KDM4B: variants seen among roughly 807,000 people sequenced by gnomAD.
KDM4B encodes the protein lysine demethylase 4B.
A neutral mutation model predicts 125.2 loss-of-function variants in KDM4B; 32 were observed. The observed-to-expected ratio is 0.26, with a 90% CI of 0.19 to 0.34. KDM4B has a LOEUF of 0.34. Among genes scored for constraint, KDM4B ranks in the 10% least tolerant of loss-of-function variants. The probability of loss-of-function intolerance (pLI) is 1.00; values close to 1 mark genes in which losing one functional copy is unlikely to be tolerated. For missense variants in KDM4B, 1,190 were observed against 1,577.7 expected (o/e 0.75, Z 4.16); for synonymous variants, 721 against 677.9 (o/e 1.06, Z -0.99).
chr19:5,015,752 C>T (rs1359749606), intron 1 of KDM4B, among the ~76,000 whole-genome samples: 1 of 152,234 alleles, frequency 6.6e-6, no homozygotes, highest in Non-Finnish European at 1.5e-5. Flanking sequence ...CCGCATCCAT[C>T]CTACAAGTAT....
intron 6 of KDM4B, among the ~76,000 whole-genome samples, chr19:5,066,629 C>T (rs1056641486): frequency 1.3e-5 from 2 of 152,190 alleles, no homozygotes; most frequent in Non-Finnish European, 2.9e-5. Context: ...AAAGGGTGTC[C>T]GATGCCTGGG....
At chr19:5,083,210 G>C (rs558288654) in intron 9 of KDM4B, among the ~76,000 whole-genome samples, 3 of 152,180 alleles carry the variant, frequency 2.0e-5, no homozygotes, top group Non-Finnish European at 1.5e-5. Flanking sequence ...CTAACGCCAC[G>C]TACAGCCATC....
chr19:5,032,529 C>T (rs1288341857), intron 2 of KDM4B, among the ~76,000 whole-genome samples: 6 of 152,186 alleles, frequency 3.9e-5, no homozygotes, highest in Admixed American at 2.0e-4. Context: ...TGATGTGCAG[C>T]GGACGCTGAC....
chr19:4,981,868 CAG>C (rs1323972348), intron 1 of KDM4B, among the ~76,000 whole-genome samples: 4 of 152,200 alleles, frequency 2.6e-5, no homozygotes, highest in African/African-American at 9.7e-5. Flanking sequence ...GACCCCATGG[CAG>C]GGGGCGGTCA....
chr19:5,089,621 A>G (rs1368364489), intron 9 of KDM4B, among the ~76,000 whole-genome samples: 2 of 151,722 alleles, frequency 1.3e-5, no homozygotes, highest in Non-Finnish European at 2.9e-5. Context: ...ATTGGTTGAT[A>G]TTAGTTTGAT....
At chr19:5,116,095 C>T (rs1200526212) in intron 10 of KDM4B, among the ~76,000 whole-genome samples, 1 of 151,894 alleles carries the variant, frequency 6.6e-6, no homozygotes. Flanking sequence ...GCAAACAGAT[C>T]ACATAAACAG....
intron 2 of KDM4B, among the ~76,000 whole-genome samples, chr19:5,022,256 C>G (rs2145567117): frequency 6.6e-6 from 1 of 152,264 alleles, no homozygotes; most frequent in East Asian, 1.9e-4. Flanking sequence ...GGTCCCTCAT[C>G]TCCTGGGGAT....
Position 5,151,357 on chromosome 19 carries a change from A to G in KDM4B, c.3137A>G (p.Gln1046Arg). ...CAGTCACTGAGCACGGGGGCACCGC[A>G]GGAGCCCGCCTTCTCGGGGGAGGAG... ...SRLSLSTGAPQEPAFSGEEAK... is the reference protein window; with the variant it reads ...SRLSLSTGAPREPAFSGEEAK... The change falls in exon 23 of 23, where the codon CAG (glutamine) becomes CGG (arginine). Residue 1046 changes from glutamine to arginine, a missense_variant. Gln to Arg is a conservative substitution (Grantham distance 43). Coordinates refer to ENST00000159111, the MANE Select transcript of KDM4B (RefSeq NM_015015.3). The G allele has an allele frequency of 6.3e-7, 1 of 1,575,344 alleles. No homozygotes were observed.
chr19:4,994,025 T>G (rs1483091676), intron 1 of KDM4B, among the ~76,000 whole-genome samples: 1 of 149,750 alleles, frequency 6.7e-6, no homozygotes, highest in Non-Finnish European at 1.5e-5. Context: ...AGCCTGTTTT[T>G]TTTTTTTTTT....
chr19:5,018,672 C>T (rs1459287951), intron 2 of KDM4B, among the ~76,000 whole-genome samples: 1 of 152,256 alleles, frequency 6.6e-6, no homozygotes, highest in East Asian at 1.9e-4. Flanking sequence ...CATTCCGGAG[C>T]ATCTCATTGT....
chr19:5,137,679 G>A lies in KDM4B; in HGVS notation c.2441+3G>A, dbSNP rs754675953. The A allele has an allele frequency of 6.9e-6, 11 of 1,582,944 alleles. No individual in the cohort carries two copies. Among genetic ancestry groups the A allele is most frequent in the Non-Finnish European group, 9.4e-6 (11 of 1,167,780 alleles). On this transcript the variant is annotated splice_donor_region_variant and intron_variant, in intron 17 of 22. Coordinates refer to ENST00000159111, the MANE Select transcript of KDM4B (RefSeq NM_015015.3). The stretch of plus-strand genomic sequence containing the variant: ...CTGCAGATGACCACCGATAGGAGGT[G>A]GGTGGCACCGCGCGTTGGGGCTGGA...
At chr19:5,108,248 C>T (rs1225851178) in intron 9 of KDM4B, among the ~76,000 whole-genome samples, 2 of 152,240 alleles carry the variant, frequency 1.3e-5, no homozygotes, top group African/African-American at 4.8e-5. Context: ...CCGGGGCAGT[C>T]GGCCTGTCCA....
intron 6 of KDM4B, among the ~76,000 whole-genome samples, chr19:5,060,792 C>T (rs966264170): frequency 3.3e-5 from 5 of 152,204 alleles, no homozygotes; most frequent in African/African-American, 7.2e-5. Flanking sequence ...ACCTGCCCTG[C>T]GCACCCTCCC....
chr19:5,030,587 C>T (rs2036420261), intron 2 of KDM4B, among the ~76,000 whole-genome samples: 1 of 152,240 alleles, frequency 6.6e-6, no homozygotes, highest in South Asian at 2.1e-4. Context: ...AGAGAGGCAG[C>T]CAGGGACAGG....
At chr19:5,022,204 C>T (rs2036143924) in intron 2 of KDM4B, among the ~76,000 whole-genome samples, 1 of 152,192 alleles carries the variant, frequency 6.6e-6, no homozygotes, top group Non-Finnish European at 1.5e-5. Context: ...GCCCTGTGGC[C>T]AGGTGCTGAT....
intron 6 of KDM4B, among the ~76,000 whole-genome samples, chr19:5,048,919 T>C (rs1467417836): frequency 2.0e-5 from 3 of 151,708 alleles, no homozygotes; most frequent in Non-Finnish European, 4.4e-5. Flanking sequence ...GTCAGGGACA[T>C]GGGAGGTGGG....
intron 1 of KDM4B, among the ~76,000 whole-genome samples, chr19:4,976,320 G>A (rs112747615): frequency 5.9e-5 from 9 of 151,362 alleles, no homozygotes; most frequent in African/African-American, 1.9e-4. Context: ...GAGAAAATGC[G>A]ATGCTGACAT....
chr19:5,053,941 C>T (rs1413125822), intron 6 of KDM4B, among the ~76,000 whole-genome samples: 3 of 152,244 alleles, frequency 2.0e-5, no homozygotes, highest in Non-Finnish European at 2.9e-5. Context: ...GTTTGAGGAG[C>T]GTGGCCGTGG....
At chr19:5,113,817 C>T (rs2039199724) in intron 10 of KDM4B, 7 of 913,762 alleles carry the variant, frequency 7.7e-6, no homozygotes, top group Non-Finnish European at 9.2e-6. Flanking sequence ...GCGCCATGCC[C>T]TCACCCCCGT....
Sources: allele counts gnomAD v4.1 joint callset (sites outside exome capture counted in the v4.1 genomes callset), GRCh38; gene constraint gnomAD v4.1.1; transcripts MANE v1.5; gene names NCBI Gene and HGNC (gene_info 2026-07-23, HGNC 2026-07-21).